CHCHD6: variants seen among roughly 807,000 people sequenced by gnomAD.
CHCHD6 encodes coiled-coil-helix-coiled-coil-helix domain containing 6.
CHCHD6 carries 28 observed loss-of-function variants against 32.3 expected under a neutral mutation model. That is an observed-to-expected ratio of 0.87 (90% CI 0.64 to 1.19). The LOEUF (loss-of-function observed/expected upper bound fraction) is 1.19. Among genes scored for constraint, CHCHD6 ranks in the 50% most tolerant of loss-of-function variants. CHCHD6 has a pLI of 0.00. For missense variants in CHCHD6, 333 were observed against 307.0 expected, an observed-to-expected ratio of 1.08 and a Z score of -0.63; for synonymous variants, 122 against 117.5, an observed-to-expected ratio of 1.04 and a Z score of -0.25.
At chr3:126,933,189 G>A (rs999758485) in intron 6 of CHCHD6, among the ~76,000 whole-genome samples, 3 of 152,040 alleles carry the variant, frequency 2.0e-5, no homozygotes, top group East Asian at 1.9e-4. Flanking sequence ...GCTTCCATAG[G>A]CCCCTCTTCT....
chr3:126,900,570 A>C (rs1349994064), intron 5 of CHCHD6, among the ~76,000 whole-genome samples: 4 of 151,616 alleles, frequency 2.6e-5, no homozygotes, highest in Non-Finnish European at 4.4e-5. Context: ...GGAGCAGAAG[A>C]AGCAAGAGAG....
At chr3:126,818,525 G>T (rs1940008794) in intron 4 of CHCHD6, among the ~76,000 whole-genome samples, 2 of 152,198 alleles carry the variant, frequency 1.3e-5, no homozygotes, top group African/African-American at 4.8e-5. Context: ...GAAGGCATAT[G>T]GAGTGATGGC....
chr3:126,858,900 G>A (rs760250770), intron 5 of CHCHD6, among the ~76,000 whole-genome samples: 5 of 152,190 alleles, frequency 3.3e-5, no homozygotes, highest in Non-Finnish European at 7.3e-5. Flanking sequence ...ACACCTCACT[G>A]GAGTGCCCCA....
intron 4 of CHCHD6, among the ~76,000 whole-genome samples, chr3:126,804,192 A>G (rs1939234888): frequency 6.6e-6 from 1 of 152,216 alleles, no homozygotes; most frequent in African/African-American, 2.4e-5. Flanking sequence ...AAGCTAGCAG[A>G]AGGCAAGAAA....
At chr3:126,873,358 T>C (rs2077501868) in intron 5 of CHCHD6, among the ~76,000 whole-genome samples, 1 of 152,194 alleles carries the variant, frequency 6.6e-6, no homozygotes, top group Non-Finnish European at 1.5e-5. Flanking sequence ...TTGCTTTATT[T>C]GTTCATTCTT....
At chr3:126,769,786 A>G (rs1937511579) in intron 4 of CHCHD6, among the ~76,000 whole-genome samples, 1 of 152,212 alleles carries the variant, frequency 6.6e-6, no homozygotes, top group Non-Finnish European at 1.5e-5. Context: ...GATTACAGGC[A>G]TGAGCCACCA....
chr3:126,954,286 C>A (rs543640551), intron 6 of CHCHD6, among the ~76,000 whole-genome samples: 10 of 152,276 alleles, frequency 6.6e-5, no homozygotes, highest in Non-Finnish European at 1.3e-4. Flanking sequence ...ATGCAGAGGC[C>A]CTTGTCCTGG....
chr3:126,952,900 G>A (rs768993386), intron 6 of CHCHD6: 64 of 901,284 alleles, frequency 7.1e-5, no homozygotes, highest in Non-Finnish European at 8.0e-5. Flanking sequence ...AGACCTATGC[G>A]GCCTGCTTGC....
At chr3:126,781,085 T>C (rs1351132598) in intron 4 of CHCHD6, among the ~76,000 whole-genome samples, 1 of 152,112 alleles carries the variant, frequency 6.6e-6, no homozygotes, top group African/African-American at 2.4e-5. Context: ...TTTCACTAGA[T>C]TGGGCACAGC....
intron 1 of CHCHD6, among the ~76,000 whole-genome samples, chr3:126,726,109 A>G (rs1194029923): frequency 6.6e-6 from 1 of 152,242 alleles, no homozygotes; most frequent in Non-Finnish European, 1.5e-5. Context: ...AGCTTTCGAC[A>G]TGCCTTCCTC....
chr3:126,715,532 C>T lies in CHCHD6; in HGVS notation c.87+11133C>T, dbSNP rs1008555837. 5.3e-5 allele frequency among the ~76,000 whole-genome samples: 8 copies of T among 152,312 alleles called. No individual in the cohort carries two copies. The East Asian group carries it at 1.2e-3, about 22-fold the overall frequency. On this transcript the variant is annotated intron_variant, in intron 1 of 7. Coordinates refer to ENST00000290913, the MANE Select transcript of CHCHD6 (RefSeq NM_032343.3). ...TTCTTACCTGGCCTGCCCCTAGGCT[C>T]TTGTATGCCTGGGATTCCCTAACAT...
intron 4 of CHCHD6, among the ~76,000 whole-genome samples, chr3:126,746,792 C>T: frequency 6.6e-6 from 1 of 152,232 alleles, no homozygotes; most frequent in East Asian, 1.9e-4. Flanking sequence ...CTCCAGGCAG[C>T]CTGGCATGTG....
intron 4 of CHCHD6, among the ~76,000 whole-genome samples, chr3:126,834,695 C>G (rs1462416896): frequency 6.6e-6 from 1 of 152,098 alleles, no homozygotes; most frequent in East Asian, 1.9e-4. Flanking sequence ...GGGTGCCTAT[C>G]CCTGGCTACT....
At chr3:126,750,393 G>A (rs892183398) in intron 4 of CHCHD6, among the ~76,000 whole-genome samples, 1 of 152,244 alleles carries the variant, frequency 6.6e-6, no homozygotes. Flanking sequence ...TGGCAAAGCA[G>A]ACAGCTCTTC....
chr3:126,899,975 C>T (rs1273094105), intron 5 of CHCHD6, among the ~76,000 whole-genome samples: 2 of 152,198 alleles, frequency 1.3e-5, no homozygotes, highest in East Asian at 1.9e-4. Flanking sequence ...TTACAACCAG[C>T]GTGTCCTGAT....
intron 4 of CHCHD6, chr3:126,766,497 G>T: frequency 1.3e-6 from 1 of 753,260 alleles, no homozygotes; most frequent in East Asian, 2.6e-5. Flanking sequence ...TCTCACTTTT[G>T]TCTCTTGGTG....
intron 6 of CHCHD6, among the ~76,000 whole-genome samples, chr3:126,945,701 G>T (rs1390439263): frequency 7.1e-6 from 1 of 141,126 alleles, no homozygotes; most frequent in African/African-American, 2.8e-5. Flanking sequence ...ACTCAAGCGG[G>T]GAGACTCGGG....
rs949835630 is a variant in CHCHD6 at position 126,824,728 on chromosome 3, G to A, written c.412-27919G>A. On this transcript the variant is annotated intron_variant, in intron 4 of 7. Coordinates refer to ENST00000290913, the MANE Select transcript of CHCHD6 (RefSeq NM_032343.3). ...CAGCCTCCTGAGTAGCTGGGATTAC[G>A]CCACCACACTTGGGTAATTTTTGTA... 7.3e-5 allele frequency among the ~76,000 whole-genome samples: 11 copies of A among 151,260 alleles called. 1 individual carries two copies. The highest frequency in any genetic ancestry group is 4.2e-4 in the South Asian group (2 of 4,764).
At chr3:126,758,928 A>AT (rs1204600851) in intron 4 of CHCHD6, among the ~76,000 whole-genome samples, 4 of 152,258 alleles carry the variant, frequency 2.6e-5, no homozygotes, top group African/African-American at 9.6e-5. Flanking sequence ...AATGGTCAGT[A>AT]CCCTTCCTGG....
Sources: gnomAD v4.1 joint callset for allele counts (sites outside exome capture counted in the v4.1 genomes callset) on GRCh38, gnomAD v4.1.1 for gene constraint, MANE v1.5 for transcripts, NCBI Gene and HGNC (gene_info 2026-07-23, HGNC 2026-07-21) for gene names.